Variants in ANKRD30BL observed in about 807,000 individuals in gnomAD.
ANKRD30BL encodes the protein putative ankyrin repeat domain-containing protein 30B-like.
Under a neutral mutation model 18.4 loss-of-function variants are expected in ANKRD30BL, and 20 were observed. The observed-to-expected ratio is 1.09, with a 90% CI of 0.77 to 1.58. ANKRD30BL has a LOEUF of 1.58. ANKRD30BL is among the 40% of genes most tolerant of loss of function. The probability of loss-of-function intolerance (pLI) is 0.00; values close to 1 mark genes in which losing one functional copy is unlikely to be tolerated. For synonymous variants in ANKRD30BL, 72 were observed against 100.9 expected, an observed-to-expected ratio of 0.71 and a Z score of 1.72; for missense variants, 224 against 268.6, an observed-to-expected ratio of 0.83 and a Z score of 1.16.
At chr2:132,172,986 G>C (rs1438228157) in intron 1 of ANKRD30BL, among the ~76,000 whole-genome samples, 3 of 152,090 alleles carry the variant, frequency 2.0e-5, no homozygotes, top group Non-Finnish European at 4.4e-5. Context: ...GATTACAGGC[G>C]TGAGCCACCA....
At chr2:132,165,684 T>C (rs1469672855), upstream of ANKRD30BL, among the ~76,000 whole-genome samples, 1 of 151,586 alleles carries the variant, frequency 6.6e-6, no homozygotes, top group South Asian at 2.1e-4. Flanking sequence ...ATTGCACCAC[T>C]GCACTCCAGC....
At chr2:132,250,688 A>G (rs536538532) in intron 1 of ANKRD30BL, among the ~76,000 whole-genome samples, 1 of 152,370 alleles carries the variant, frequency 6.6e-6, no homozygotes, top group South Asian at 2.1e-4. Context: ...GCAGAAATGC[A>G]ATACAATCTC....
intron 1 of ANKRD30BL, among the ~76,000 whole-genome samples, chr2:132,235,941 CT>C (rs1242783076): frequency 6.6e-6 from 1 of 152,258 alleles, no homozygotes; most frequent in East Asian, 1.9e-4. Context: ...TCAAACTATA[CT>C]GCAAAGCTAC....
chr2:132,166,633 AG>A (rs1246787679), upstream of ANKRD30BL, among the ~76,000 whole-genome samples: 7 of 152,086 alleles, frequency 4.6e-5, no homozygotes, highest in Admixed American at 3.9e-4. Context: ...CCACAAAATC[AG>A]TAGTCATAAC....
At chr2:132,201,057 T>G (rs1352588305) in intron 1 of ANKRD30BL, among the ~76,000 whole-genome samples, 1 of 152,126 alleles carries the variant, frequency 6.6e-6, no homozygotes, top group Non-Finnish European at 1.5e-5. Flanking sequence ...GGATTCCCTA[T>G]TTAATAAATG....
chr2:132,209,564 T>G (rs2104755520), intron 1 of ANKRD30BL, among the ~76,000 whole-genome samples: 1 of 152,308 alleles, frequency 6.6e-6, no homozygotes, highest in Admixed American at 6.5e-5. Flanking sequence ...TTGTGATGTG[T>G]GCATTCATCT....
intron 1 of ANKRD30BL, among the ~76,000 whole-genome samples, chr2:132,170,337 G>A (rs1187833950): frequency 6.6e-6 from 1 of 152,132 alleles, no homozygotes; most frequent in Non-Finnish European, 1.5e-5. Context: ...AAGGGAAACA[G>A]AGACTGTCAG....
chr2:132,245,782 A>G (rs543615689), intron 1 of ANKRD30BL, among the ~76,000 whole-genome samples: 2 of 151,576 alleles, frequency 1.3e-5, no homozygotes, highest in African/African-American at 4.8e-5. Context: ...GGAAAGGGGA[A>G]TATCTTCACA....
At chr2:132,233,173 C>T (rs1189814603) in intron 1 of ANKRD30BL, among the ~76,000 whole-genome samples, 2 of 151,720 alleles carry the variant, frequency 1.3e-5, no homozygotes, top group East Asian at 3.9e-4. Context: ...CCTAAAAGAG[C>T]TCCTGAAGGA....
chr2:132,249,595 CA>C lies in ANKRD30BL; in HGVS notation n.441+7933del, dbSNP rs373597752. The stretch of plus-strand genomic sequence containing the variant: ...AACTCTGTGAGATGAATGTACACAT[CA>C]AAAAAAAAGTTTCTCAGAAAGCTTC... On this transcript the variant is annotated intron_variant and non_coding_transcript_variant, in intron 1 of 4. Coordinates refer to the ANKRD30BL transcript ENST00000470729. 3.3e-5 allele frequency among the ~76,000 whole-genome samples: 5 copies of C among 150,170 alleles called. No individual in the cohort carries two copies. The East Asian group carries it at 7.9e-4, about 24-fold the overall frequency.
intron 1 of ANKRD30BL, among the ~76,000 whole-genome samples, chr2:132,194,402 T>C (rs572091680): frequency 9.2e-5 from 14 of 152,370 alleles, no homozygotes; most frequent in African/African-American, 2.6e-4. Context: ...AGCCTGGCTT[T>C]AGCCTTCTGT....
At chr2:132,244,629 T>G (rs1265209649) in intron 1 of ANKRD30BL, among the ~76,000 whole-genome samples, 16 of 152,346 alleles carry the variant, frequency 1.1e-4, no homozygotes, top group African/African-American at 3.9e-4. Context: ...GACACTTCGT[T>G]GTGATGTGTG....
chr2:132,148,492 C>A (rs375924843), intron 5 of ANKRD30BL, among the ~76,000 whole-genome samples: 1 of 151,018 alleles, frequency 6.6e-6, no homozygotes, highest in Non-Finnish European at 1.5e-5. Flanking sequence ...ACCTCAGCCT[C>A]CCATGTAGCT....
At chr2:132,155,702 A>G (rs1687884023) in intron 3 of ANKRD30BL, 1 of 152,134 alleles carries the variant, frequency 6.6e-6, no homozygotes. Context: ...GATCGAGACC[A>G]TCGTGGTCAA....
intron 5 of ANKRD30BL, 51 bp from the exon 6 acceptor site, chr2:132,148,279 C>G: frequency 2.0e-6 from 3 of 1,478,206 alleles, no homozygotes; most frequent in Non-Finnish European, 2.8e-6. Flanking sequence ...TATCATCCTT[C>G]TGACTCTTTA....
Position 132,161,583 on chromosome 2 carries a change from C to G in ANKRD30BL, c.123G>C (p.Lys41Asn). 6.9e-7 allele frequency: 1 copy of G among 1,456,246 alleles called. No homozygotes were observed. Among genetic ancestry groups the G allele is most frequent in the Non-Finnish European group, 9.4e-7 (1 of 1,062,924 alleles). The allele number at this position is 1,456,246 out of a possible 1,614,324, so 90.2% of individuals were successfully genotyped here. The change falls in exon 1 of 6, where the codon AAG (lysine) becomes AAC (asparagine). Residue 41 changes from lysine to asparagine, a missense_variant. This residue lies in a region of ANKRD30BL where 131 missense variants were observed against 128.8 expected (regional missense o/e 1.02). Transcript: ENST00000409867. Reference sequence around the variant, plus strand: ...GGCCCCGGGAGGCAGCTTTGTGGATCTTCCTGAGATCCCCATGGTGAATCA... The same window carrying G: ...GGCCCCGGGAGGCAGCTTTGTGGATGTTCCTGAGATCCCCATGGTGAATCA... ...SYVIHHGDLRKIHKAASRGQA... is the reference protein window; with the variant it reads ...SYVIHHGDLRNIHKAASRGQA...
chr2:132,241,493 C>T (rs1680323977), intron 1 of ANKRD30BL, among the ~76,000 whole-genome samples: 1 of 151,294 alleles, frequency 6.6e-6, no homozygotes, highest in African/African-American at 2.4e-5. Context: ...CACTTTGAGG[C>T]CTGTGGTAAA....
intron 1 of ANKRD30BL, among the ~76,000 whole-genome samples, chr2:132,160,556 A>T (rs958839083): frequency 6.6e-6 from 1 of 151,676 alleles, no homozygotes. Flanking sequence ...CTCCTGACTC[A>T]GCCTCCCAAG....
At chr2:132,203,295 T>C (rs1188727569) in intron 1 of ANKRD30BL, among the ~76,000 whole-genome samples, 2 of 152,382 alleles carry the variant, frequency 1.3e-5, no homozygotes, top group African/African-American at 2.4e-5. Flanking sequence ...ATAAAAGATA[T>C]AGCAAACAAA....
Sources: allele counts gnomAD v4.1 joint callset (sites outside exome capture counted in the v4.1 genomes callset), GRCh38; gene constraint gnomAD v4.1.1; regional missense constraint gnomAD v4.1.1; transcripts MANE v1.5; gene names NCBI Gene and HGNC (gene_info 2026-07-23, HGNC 2026-07-21).